The following STARD8 variants were observed in gnomAD, a reference collection of about 807,000 sequenced individuals.
STARD8 encodes stAR-related lipid transfer protein 8.
A neutral mutation model predicts 69.4 loss-of-function variants in STARD8; 25 were observed. The ratio of observed to expected loss-of-function variants is 0.36; its 90% CI spans 0.26 to 0.50. The LOEUF (loss-of-function observed/expected upper bound fraction) is 0.50, where lower values mean the gene tolerates loss of function less well. Ranked by LOEUF, STARD8 falls within the 20% of genes least tolerant of loss-of-function variation. The pLI is 0.96. For missense variants in STARD8, 921 were observed against 932.5 expected, an observed-to-expected ratio of 0.99 and a Z score of 0.16; for synonymous variants, 389 against 374.6, an observed-to-expected ratio of 1.04 and a Z score of -0.45.
At chrX:68,663,583 G>C (rs1039476847) in intron 1 of STARD8, among the ~76,000 whole-genome samples, 18 of 111,509 alleles carry the variant, frequency 1.6e-4, no homozygotes, top group Non-Finnish European at 2.6e-4. Context: ...TGGAGTGGGG[G>C]AGTAGGAGAT....
At chrX:68,687,768 T>A (rs1240756480) in intron 2 of STARD8, among the ~76,000 whole-genome samples, 1 of 112,087 alleles carries the variant, frequency 8.9e-6, no homozygotes, top group Non-Finnish European at 1.9e-5. Context: ...GCCAGGATCA[T>A]TTCCTTGGGG....
chrX:68,692,443 G>C (rs969383172), intron 2 of STARD8, among the ~76,000 whole-genome samples: 2 of 112,036 alleles, frequency 1.8e-5, no homozygotes, highest in African/African-American at 6.5e-5. Context: ...TTGGGGCTGG[G>C]TTAGGTCTGG....
intron 2 of STARD8, among the ~76,000 whole-genome samples, chrX:68,681,667 C>T (rs2079801717): frequency 8.9e-6 from 1 of 112,579 alleles, no homozygotes; most frequent in East Asian, 2.8e-4. Flanking sequence ...GAAGGGGAAA[C>T]AGAGAAGCCA....
At chrX:68,664,829 T>A (rs2079673025) in intron 1 of STARD8, among the ~76,000 whole-genome samples, 1 of 112,813 alleles carries the variant, frequency 8.9e-6, no homozygotes, top group Non-Finnish European at 1.9e-5. Flanking sequence ...AGCATAGTGC[T>A]CTGAAGGGCA....
At chrX:68,694,889 G>A (rs2079907412) in intron 2 of STARD8, among the ~76,000 whole-genome samples, 1 of 110,872 alleles carries the variant, frequency 9.0e-6, no homozygotes, top group Non-Finnish European at 1.9e-5. Context: ...CCAGAGCCTG[G>A]GGCCCCAGAG....
intron 2 of STARD8, among the ~76,000 whole-genome samples, chrX:68,679,742 G>A (rs1299982087): frequency 8.9e-6 from 1 of 112,136 alleles, no homozygotes; most frequent in Non-Finnish European, 1.9e-5. Context: ...TTGTGACAAG[G>A]GATGTAGCCT....
intron 2 of STARD8, among the ~76,000 whole-genome samples, chrX:68,665,806 G>A (rs2079680014): frequency 8.9e-6 from 1 of 112,188 alleles, no homozygotes. Context: ...CTTTCAGCAA[G>A]TGGCAGCCAC....
intron 1 of STARD8, among the ~76,000 whole-genome samples, chrX:68,658,354 C>T (rs1314252936): frequency 8.9e-6 from 1 of 112,202 alleles, no homozygotes; most frequent in Non-Finnish European, 1.9e-5. Flanking sequence ...GGATTTTTAA[C>T]CCAGGTAATC....
intron 5 of STARD8, 128 bp from the exon 6 acceptor site, chrX:68,717,084 A>G (rs1209937408): frequency 7.8e-6 from 8 of 1,023,139 alleles, no homozygotes; most frequent in Non-Finnish European, 1.0e-5. Context: ...CACCTAGGCC[A>G]TGTTCTCAGC....
intron 3 of STARD8, 84 bp downstream of exon 3, chrX:68,713,069 T>C: frequency 6.1e-6 from 6 of 980,316 alleles, no homozygotes; most frequent in Non-Finnish European, 8.5e-6. Context: ...TCAGATTCTC[T>C]TTCCAACTAC....
At chrX:68,699,870 G>A (rs777430546) in intron 2 of STARD8, among the ~76,000 whole-genome samples, 1 of 112,227 alleles carries the variant, frequency 8.9e-6, no homozygotes, top group Admixed American at 9.4e-5. Flanking sequence ...TTATGGTTCA[G>A]GTCCAGCCAG....
At chrX:68,695,855 A>G (rs1291349369) in intron 2 of STARD8, among the ~76,000 whole-genome samples, 3 of 111,826 alleles carry the variant, frequency 2.7e-5, no homozygotes, top group African/African-American at 9.8e-5. Flanking sequence ...TTTAGAGGAT[A>G]GCAACAGGGA....
Position 68,647,850 on chromosome X carries a change from C to T in STARD8, c.-33C>T, listed in dbSNP as rs908433770. On this transcript the variant is annotated 5_prime_UTR_variant, in exon 1 of 15. Coordinates refer to ENST00000374599, the MANE Select transcript of STARD8 (RefSeq NM_001142503.3). Reference sequence around the variant, plus strand: ...GGGAGGAGCCGGTGCCCGGCACAGCCCCGCCGGCCCTAGAAGCTCCCCACG... The same window carrying T: ...GGGAGGAGCCGGTGCCCGGCACAGCTCCGCCGGCCCTAGAAGCTCCCCACG... 29 of 1,187,050 alleles carry T rather than the reference C, an allele frequency of 2.4e-5. No homozygotes were observed. The highest frequency in any genetic ancestry group is 2.3e-4 in the Middle Eastern group (1 of 4,297).
chrX:68,724,542 G>A lies in STARD8; in HGVS notation c.*120G>A, dbSNP rs776450129. ...GTCAGGAGCAGAGCCAGGCCCAGGTGGCTCCAGCTGCCTGTCCTGTCCCCT... is the reference window on the plus strand; with the variant it reads ...GTCAGGAGCAGAGCCAGGCCCAGGTAGCTCCAGCTGCCTGTCCTGTCCCCT... On this transcript the variant is annotated 3_prime_UTR_variant, in exon 15 of 15. Coordinates refer to ENST00000374599, the MANE Select transcript of STARD8 (RefSeq NM_001142503.3). 2.5e-4 allele frequency: 135 copies of A among 546,186 alleles called. 1 individual carries two copies. The highest frequency in any genetic ancestry group is 3.5e-4 in the Non-Finnish European group (117 of 337,825). 45.0% of individuals were successfully genotyped at this position (546,186 alleles called of 1,213,427 possible).
rs142623329 is a variant in STARD8, at chrX:68,664,738, T to C, written c.46-761T>C. 8.0e-3 allele frequency among the ~76,000 whole-genome samples: 902 copies of C among 112,150 alleles called. 12 individuals carry two copies. Among genetic ancestry groups the C allele is most frequent in the African/African-American group, 0.028 (862 of 30,840 alleles). ...TTTCCTTATTTCTTTGTTTACTTATTTATTGTTTGTCTCTTCCTACTAAGA... is the reference window on the plus strand; with the variant it reads ...TTTCCTTATTTCTTTGTTTACTTATCTATTGTTTGTCTCTTCCTACTAAGA... On this transcript the variant is annotated intron_variant, in intron 1 of 14. Coordinates refer to ENST00000374599, the MANE Select transcript of STARD8 (RefSeq NM_001142503.3).
intron 2 of STARD8, among the ~76,000 whole-genome samples, chrX:68,670,584 C>G (rs907362878): frequency 9.0e-6 from 1 of 110,808 alleles, no homozygotes; most frequent in Non-Finnish European, 1.9e-5. Flanking sequence ...CCTAGATGAC[C>G]ATTTTCACAG....
chrX:68,705,647 A>G (rs1286240229), intron 2 of STARD8, among the ~76,000 whole-genome samples: 2 of 112,585 alleles, frequency 1.8e-5, no homozygotes, highest in Middle Eastern at 4.2e-3. Flanking sequence ...GAGGCCCCAG[A>G]TAAGGCAGAG....
Position 68,719,352 on chromosome X carries a change from G to A in STARD8, c.1843G>A (p.Ala615Thr), listed in dbSNP as rs776863034. The change falls in exon 7 of 15, where the codon GCG (alanine) becomes ACG (threonine). Residue 615 changes from alanine (A) to threonine (T), a missense_variant. Physicochemically the swap from Ala to Thr is moderately conservative, Grantham distance 58. Coordinates refer to ENST00000374599, the MANE Select transcript of STARD8 (RefSeq NM_001142503.3). Reference protein sequence around the residue: ...LHKGSLLRLTAFMEKYTVPHK... With the variant: ...LHKGSLLRLTTFMEKYTVPHK... ...CAAGGGCTCACTGCTGCGGCTTACC[G>A]CGTTCATGGAGAAGTACACTGTGCC... 7.5e-6 allele frequency: 9 copies of A among 1,203,502 alleles called. No homozygotes were observed. The highest frequency in any genetic ancestry group is 1.8e-5 in the South Asian group (1 of 55,206).
intron 1 of STARD8, among the ~76,000 whole-genome samples, chrX:68,654,027 G>T (rs1237028485): frequency 9.0e-6 from 1 of 111,418 alleles, no homozygotes; most frequent in Non-Finnish European, 1.9e-5. Flanking sequence ...CCTTGAGAGG[G>T]TCAATTCTCT....
Sources: gnomAD v4.1 joint callset for allele counts (sites outside exome capture counted in the v4.1 genomes callset) on GRCh38, gnomAD v4.1.1 for gene constraint, MANE v1.5 for transcripts, NCBI Gene and HGNC (gene_info 2026-07-23, HGNC 2026-07-21) for gene names.